WWP2: variants seen among roughly 807,000 people sequenced by gnomAD.
WWP2 encodes the protein NEDD4-like E3 ubiquitin-protein ligase WWP2.
WWP2 carries 57 observed loss-of-function variants against 121.0 expected under a neutral mutation model. The ratio of observed to expected loss-of-function variants is 0.47; its 90% CI spans 0.38 to 0.59. WWP2 has a LOEUF of 0.59. Among genes scored for constraint, WWP2 ranks in the 20% least tolerant of loss-of-function variants. WWP2 has a pLI of 0.00. For synonymous variants in WWP2, 449 were observed against 441.3 expected (o/e 1.02, Z -0.22); for missense variants, 962 against 1,158.9 (o/e 0.83, Z 2.47).
intron 7 of WWP2, among the ~76,000 whole-genome samples, chr16:69,872,760 G>A (rs187280223): frequency 1.9e-3 from 289 of 152,316 alleles, no homozygotes; most frequent in African/African-American, 6.7e-3. Flanking sequence ...GGCCCCATTT[G>A]AGAGGAGACA....
At chr16:69,842,147 G>T (rs2056990687) in intron 6 of WWP2, 27 bp downstream of exon 6, 2 of 1,603,432 alleles carry the variant, frequency 1.2e-6, no homozygotes, top group Non-Finnish European at 1.7e-6. Flanking sequence ...TGAGGACAAA[G>T]AGCTAAGAAG....
chr16:69,806,000 CA>C (rs1186018280), intron 4 of WWP2, among the ~76,000 whole-genome samples: 15 of 151,796 alleles, frequency 9.9e-5, no homozygotes, highest in Admixed American at 5.3e-4. Context: ...AGTTTGAGAC[CA>C]GACAGGGAAA....
At chr16:69,926,722 A>G (rs1191045928) in intron 11 of WWP2, among the ~76,000 whole-genome samples, 3 of 152,200 alleles carry the variant, frequency 2.0e-5, no homozygotes, top group African/African-American at 7.2e-5. Flanking sequence ...TTACGCAGAT[A>G]GCTGCCCCAC....
intron 2 of WWP2, among the ~76,000 whole-genome samples, chr16:69,791,492 T>C (rs934676186): frequency 2.0e-5 from 3 of 152,160 alleles, no homozygotes; most frequent in Non-Finnish European, 4.4e-5. Context: ...CCTGCCAAAG[T>C]GCTGGGATTA....
At chr16:69,921,608 G>A (rs1397619861) in intron 10 of WWP2, among the ~76,000 whole-genome samples, 3 of 152,046 alleles carry the variant, frequency 2.0e-5, no homozygotes, top group Non-Finnish European at 2.9e-5. Context: ...CGTGATCATC[G>A]TGTATCTTTT....
chr16:69,926,769 C>T (rs1003562919), intron 11 of WWP2, among the ~76,000 whole-genome samples: 16 of 152,194 alleles, frequency 1.1e-4, no homozygotes, highest in African/African-American at 3.9e-4. Context: ...ATTAGTATCT[C>T]AGAGATTGGC....
At chr16:69,837,359 C>T (rs2056895272) in intron 4 of WWP2, among the ~76,000 whole-genome samples, 1 of 152,220 alleles carries the variant, frequency 6.6e-6, no homozygotes, top group Admixed American at 6.5e-5. Context: ...AGCCACTGCA[C>T]CCAGCCCATT....
At chr16:69,901,913 T>G (rs925338673) in intron 8 of WWP2, among the ~76,000 whole-genome samples, 1 of 152,210 alleles carries the variant, frequency 6.6e-6, no homozygotes, top group Non-Finnish European at 1.5e-5. Flanking sequence ...ATTGCACCAC[T>G]GCACTCCAGC....
chr16:69,848,807 G>A (rs1327635369), intron 6 of WWP2, among the ~76,000 whole-genome samples: 2 of 152,176 alleles, frequency 1.3e-5, no homozygotes, highest in Admixed American at 1.3e-4. Flanking sequence ...TGGGGACCTT[G>A]GATTTGCCTG....
chr16:69,866,420 G>C (rs555407862), intron 6 of WWP2, among the ~76,000 whole-genome samples: 1 of 152,032 alleles, frequency 6.6e-6, no homozygotes, highest in East Asian at 1.9e-4. Context: ...ACTGCACCTA[G>C]CCTCATTTTA....
At position 69,940,012 on chromosome 16, in the gene WWP2, C is replaced by A; in HGVS notation, c.*72C>A. The A allele has an allele frequency of 1.5e-6, 2 of 1,308,460 alleles. No homozygotes were observed. Among genetic ancestry groups the A allele is most frequent in the Non-Finnish European group, 2.1e-6 (2 of 936,786 alleles). 81.1% of individuals were successfully genotyped at this position (1,308,460 alleles called of 1,614,324 possible). Reference sequence around the variant, plus strand: ...TCCTCCCTGCCTGAGAGGCCACTGGCCCCGCAGCCCTTGGGAGGCCCCCGT... The same window carrying A: ...TCCTCCCTGCCTGAGAGGCCACTGGACCCGCAGCCCTTGGGAGGCCCCCGT... On this transcript the variant is annotated 3_prime_UTR_variant, in exon 24 of 24. Transcript: ENST00000359154.
chr16:69,834,526 T>C (rs147694668), intron 4 of WWP2, among the ~76,000 whole-genome samples: 1,712 of 151,496 alleles, frequency 0.011, 25 homozygotes, highest in African/African-American at 0.036. Flanking sequence ...AAAAATTTTT[T>C]TTTAGTTTTT....
At chr16:69,864,614 A>G (rs1035358789) in intron 6 of WWP2, among the ~76,000 whole-genome samples, 2 of 151,806 alleles carry the variant, frequency 1.3e-5, no homozygotes, top group Admixed American at 1.3e-4. Flanking sequence ...CAGTGGCACA[A>G]TTTTGGCTCA....
chr16:69,794,718 T>G (rs2055990849), intron 2 of WWP2, among the ~76,000 whole-genome samples: 1 of 152,162 alleles, frequency 6.6e-6, no homozygotes. Context: ...TTAAAACAGC[T>G]GGTGGAAGTC....
chr16:69,818,816 G>T (rs1177224098), intron 4 of WWP2, among the ~76,000 whole-genome samples: 3 of 152,076 alleles, frequency 2.0e-5, no homozygotes, highest in African/African-American at 7.2e-5. Flanking sequence ...GCTTTGTCCT[G>T]TGTTCATTTG....
At chr16:69,874,965 T>C (rs1021526005) in intron 7 of WWP2, among the ~76,000 whole-genome samples, 4 of 151,562 alleles carry the variant, frequency 2.6e-5, no homozygotes, top group Non-Finnish European at 4.4e-5. Context: ...GATGTTGCAG[T>C]GAGCTGAGAT....
intron 8 of WWP2, among the ~76,000 whole-genome samples, chr16:69,896,429 A>G (rs888344231): frequency 6.6e-6 from 1 of 152,064 alleles, no homozygotes; most frequent in African/African-American, 2.4e-5. Flanking sequence ...CCTTACTGCA[A>G]TTTCTTGAGA....
intron 4 of WWP2, among the ~76,000 whole-genome samples, chr16:69,815,775 A>G (rs1478893540): frequency 6.6e-6 from 1 of 150,858 alleles, no homozygotes; most frequent in Non-Finnish European, 1.5e-5. Context: ...CGACAGAACA[A>G]GACTCCGTCT....
At chr16:69,899,445 G>A (rs1485383972) in intron 8 of WWP2, among the ~76,000 whole-genome samples, 2 of 152,020 alleles carry the variant, frequency 1.3e-5, no homozygotes, top group Non-Finnish European at 2.9e-5. Context: ...AAATCAAGAT[G>A]TGGGCCGGGT....
Sources: gnomAD v4.1 joint callset for allele counts (sites outside exome capture counted in the v4.1 genomes callset) on GRCh38, gnomAD v4.1.1 for gene constraint, MANE v1.5 for transcripts, NCBI Gene and HGNC (gene_info 2026-07-23, HGNC 2026-07-21) for gene names.